DDX18: variants seen among roughly 807,000 people sequenced by gnomAD.
DDX18 encodes DEAD-box helicase 18.
Under a neutral mutation model 73.5 loss-of-function variants are expected in DDX18, and 23 were observed. The ratio of observed to expected loss-of-function variants is 0.31; its 90% confidence interval spans 0.23 to 0.44. The LOEUF (loss-of-function observed/expected upper bound fraction) is 0.44, where lower values mean the gene tolerates loss of function less well. DDX18 is among the 20% of genes least tolerant of loss of function. The pLI is 1.00. For synonymous variants in DDX18, 268 were observed against 282.7 expected, an observed-to-expected ratio of 0.95 and a Z score of 0.52; for missense variants, 753 against 792.9, an observed-to-expected ratio of 0.95 and a Z score of 0.60.
In DDX18 at chr2:117,828,957, A is replaced by G. The variant is rs767704356; in HGVS notation, c.1644A>G (p.Leu548=). ...LRYLKQSKVP[L]SEFDFSWSKI... ...ATACTTTTGATTTCTAGGTTCCATT[A>G]AGTGAATTTGACTTTTCCTGGTCTA... The change falls in exon 12 of 14, where the codon TTA becomes TTG. Residue 548 remains leucine, a synonymous_variant. Coordinates refer to ENST00000263239, the MANE Select transcript of DDX18 (RefSeq NM_006773.4). The G allele has an allele frequency of 1.2e-6, 2 of 1,607,936 alleles. No homozygotes were observed. Among genetic ancestry groups the G allele is most frequent in the South Asian group, 2.2e-5 (2 of 90,842 alleles).
intron 10 of DDX18, 28 bp downstream of exon 10, chr2:117,825,627 G>A (rs1679913689): frequency 6.2e-7 from 1 of 1,606,218 alleles, no homozygotes. Context: ...AATATCTTCA[G>A]AATGACTCTG....
In DDX18 at chr2:117,814,727, A is replaced by C. The variant is rs1032249952; in HGVS notation, c.-51A>C. 13 of 1,582,900 alleles carry C rather than the reference A, an allele frequency of 8.2e-6. No homozygotes were observed. Among genetic ancestry groups the C allele is most frequent in the African/African-American group, 6.7e-5 (5 of 74,122 alleles). Reference sequence around the variant, plus strand: ...GAAGGGAAGTAACGTCAGCCTGAGAACTGAGTAGCTGTACTGTGTGGCGCC... The same window carrying C: ...GAAGGGAAGTAACGTCAGCCTGAGACCTGAGTAGCTGTACTGTGTGGCGCC... On this transcript the variant is annotated 5_prime_UTR_variant, in exon 1 of 14. Coordinates refer to ENST00000263239, the MANE Select transcript of DDX18 (RefSeq NM_006773.4).
In DDX18 at chr2:117,824,934, T is replaced by G; in HGVS notation, c.1207-6T>G. 1 of 1,601,176 alleles carries G rather than the reference T, an allele frequency of 6.2e-7. No individual in the cohort carries two copies. The highest frequency in any genetic ancestry group is 1.7e-4 in the Middle Eastern group (1 of 5,964). ...ATTTGTATCTGTCTGCTTAAACGCT[T>G]TCTAGGGATATGTTGTTTGTCCTTC... On this transcript the variant is annotated splice_polypyrimidine_tract_variant and splice_region_variant and intron_variant, in intron 8 of 13. Transcript: ENST00000263239.
At chr2:117,818,004 C>T (rs1679787375) in intron 2 of DDX18, among the ~76,000 whole-genome samples, 1 of 152,218 alleles carries the variant, frequency 6.6e-6, no homozygotes, top group Non-Finnish European at 1.5e-5. Context: ...TAGAAATTTT[C>T]TCTTCTTTTT....
Position 117,832,195 on chromosome 2 carries a change from G to A in DDX18, c.*1471G>A, listed in dbSNP as rs1306028851. ...TTTTAAAAGACAAAAACAAAGGGAA[G>A]AATATTTAATTACTGAGCAGAAGTA... On this transcript the variant is annotated 3_prime_UTR_variant, in exon 14 of 14. Coordinates refer to ENST00000263239, the MANE Select transcript of DDX18 (RefSeq NM_006773.4). 6.6e-6 allele frequency: 1 copy of A among 152,006 alleles called. No homozygotes were observed. The highest frequency in any genetic ancestry group is 1.5e-5 in the Non-Finnish European group (1 of 68,010). The allele number at this position is 152,006 out of a possible 1,614,324, so 9.4% of individuals were successfully genotyped here. A position where few individuals can be genotyped will look rare whatever the true frequency, so the allele number is the denominator to read the frequency against.
At chr2:117,830,492 G>A in intron 13 of DDX18, 90 bp from the exon 14 acceptor site, 2 of 1,420,456 alleles carry the variant, frequency 1.4e-6, no homozygotes, top group Non-Finnish European at 1.9e-6. Context: ...TGGAGGAACA[G>A]TAGTGTTCAT....
rs761473430 is a variant in DDX18 at position 117,821,797 on chromosome 2, A to G, written c.751+47A>G. ...TCTGCCATTATTTCACTAGAGGTTT[A>G]TTGTAGCTGTTACGGACTCAGTGGT... On this transcript the variant is annotated intron_variant, in intron 5 of 13. Transcript: ENST00000263239. 3 of 1,613,480 alleles carry G rather than the reference A, an allele frequency of 1.9e-6. 1 individual carries two copies. The South Asian group carries it at 3.3e-5, about 18-fold the overall frequency.
chr2:117,830,214 A>G (rs1205520926), intron 13 of DDX18, among the ~76,000 whole-genome samples: 1 of 152,190 alleles, frequency 6.6e-6, no homozygotes, highest in Non-Finnish European at 1.5e-5. Flanking sequence ...TCCTAAATCA[A>G]TTCCGAAGAG....
At chr2:117,816,291 A>G (rs1176901281) in intron 1 of DDX18, among the ~76,000 whole-genome samples, 2 of 152,244 alleles carry the variant, frequency 1.3e-5, no homozygotes, top group Non-Finnish European at 2.9e-5. Flanking sequence ...TGTAACTTTT[A>G]CATTATAAAC....
In DDX18 at chr2:117,821,846, C is replaced by T. The variant is rs1679851397; in HGVS notation, c.752-16C>T. 1.2e-6 allele frequency: 2 copies of T among 1,613,804 alleles called. No homozygotes were observed. The highest frequency in any genetic ancestry group is 1.7e-6 in the Non-Finnish European group (2 of 1,179,798). Reference sequence around the variant, plus strand: ...GTGACAGCCACATTTAGACTTCTACCATATATCATTTTTAGGAACAGGAGT... The same window carrying T: ...GTGACAGCCACATTTAGACTTCTACTATATATCATTTTTAGGAACAGGAGT... On this transcript the variant is annotated splice_polypyrimidine_tract_variant and intron_variant, in intron 5 of 13. Coordinates refer to ENST00000263239, the MANE Select transcript of DDX18 (RefSeq NM_006773.4).
intron 13 of DDX18, among the ~76,000 whole-genome samples, chr2:117,829,859 G>T (rs756317761): frequency 1.3e-5 from 2 of 152,194 alleles, no homozygotes; most frequent in Non-Finnish European, 2.9e-5. Context: ...CTAAAGAGAG[G>T]ATGGGACCTT....
At chr2:117,829,072 C>A in intron 12 of DDX18, 67 bp downstream of exon 12, 1 of 1,366,066 alleles carries the variant, frequency 7.3e-7, no homozygotes, top group Non-Finnish European at 1.0e-6. Flanking sequence ...TGTAGTGATT[C>A]ACTGGGCAAT....
rs1241419997 is a variant in DDX18, at chr2:117,821,224, C to T, written c.578C>T (p.Ala193Val). 6.2e-7 allele frequency: 1 copy of T among 1,610,082 alleles called. No individual in the cohort carries two copies. Among genetic ancestry groups the T allele is most frequent in the Non-Finnish European group, 8.5e-7 (1 of 1,178,186 alleles). Residue 193 changes from alanine to valine, a missense_variant, in exon 4 of 14, where the codon GCA becomes GTA. Ala to Val is a moderately conservative substitution (Grantham distance 64). Transcript: ENST00000263239. Reference sequence around the variant, plus strand: ...CTTGTCAATGAAAACACTCTGAAGGCAATAAAAGAAATGGGTTTTACAAAC... The same window carrying T: ...CTTGTCAATGAAAACACTCTGAAGGTAATAAAAGAAATGGGTTTTACAAAC... ...CNLVNENTLK[A>V]IKEMGFTNMT...
intron 7 of DDX18, among the ~76,000 whole-genome samples, chr2:117,823,702 G>A (rs574434567): frequency 2.0e-5 from 3 of 152,246 alleles, no homozygotes; most frequent in South Asian, 2.1e-4. Flanking sequence ...TAGAAGTGGT[G>A]AGAGCAGACA....
intron 2 of DDX18, among the ~76,000 whole-genome samples, chr2:117,819,259 T>A (rs1471781195): frequency 6.6e-6 from 1 of 152,188 alleles, no homozygotes; most frequent in Non-Finnish European, 1.5e-5. Context: ...TTGCCCTTCC[T>A]TTACAGTCTA....
chr2:117,830,881 A>G lies in DDX18; in HGVS notation c.*157A>G, dbSNP rs897686059. Reference sequence around the variant, plus strand: ...AGCACTGAGCACTGTTACTTCTATCACGTCTCTCTTTTATTTCTGGGATAT... The same window carrying G: ...AGCACTGAGCACTGTTACTTCTATCGCGTCTCTCTTTTATTTCTGGGATAT... On this transcript the variant is annotated 3_prime_UTR_variant, in exon 14 of 14. Coordinates refer to ENST00000263239, the MANE Select transcript of DDX18 (RefSeq NM_006773.4). 1.4e-5 allele frequency: 11 copies of G among 771,960 alleles called. No individual in the cohort carries two copies. The African/African-American group carries it at 2.0e-4, about 14-fold the overall frequency. 47.8% of individuals were successfully genotyped at this position (771,960 alleles called of 1,614,324 possible). A position where few individuals can be genotyped will look rare whatever the true frequency, so the allele number is the denominator to read the frequency against.
At chr2:117,817,788 C>A (rs1036244986) in intron 2 of DDX18, 60 bp downstream of exon 2, 1 of 1,504,050 alleles carries the variant, frequency 6.6e-7, no homozygotes, top group African/African-American at 1.4e-5. Flanking sequence ...GTTATTGTTC[C>A]TCTTTCTATT....
In DDX18 at chr2:117,822,268, A is replaced by T. The variant is rs756592208; in HGVS notation, c.1066+7A>T. 2 of 1,602,736 alleles carry T rather than the reference A, an allele frequency of 1.2e-6. No homozygotes were observed. The highest frequency in any genetic ancestry group is 1.7e-6 in the Non-Finnish European group (2 of 1,171,788). On this transcript the variant is annotated splice_region_variant and intron_variant, in intron 7 of 13. Transcript: ENST00000263239. ...ATTATTAAACTTTTGCCAAGTAAGT[A>T]GGTAGCATCTGCATTTGGTTTGCAA...
intron 1 of DDX18, 82 bp downstream of exon 1, chr2:117,814,944 CTG>C: frequency 7.1e-7 from 1 of 1,408,604 alleles, no homozygotes; most frequent in South Asian, 1.2e-5. Context: ...CCCAGCTGCT[CTG>C]TGTGACGGAG....
Sources: gnomAD v4.1 joint callset for allele counts (sites outside exome capture counted in the v4.1 genomes callset) on GRCh38, gnomAD v4.1.1 for gene constraint, MANE v1.5 for transcripts, NCBI Gene and HGNC (gene_info 2026-07-23, HGNC 2026-07-21) for gene names.